The following TMEM232 variants were observed in gnomAD, a reference collection of about 807,000 sequenced individuals.
TMEM232 encodes the protein transmembrane protein 232.
A neutral mutation model predicts 78.8 loss-of-function variants in TMEM232; 80 were observed. The observed-to-expected ratio is 1.01, with a 90% CI of 0.85 to 1.22. The LOEUF (loss-of-function observed/expected upper bound fraction) is 1.22. Among genes scored for constraint, TMEM232 ranks in the 50% most tolerant of loss-of-function variants. TMEM232 has a pLI of 0.00. For synonymous variants in TMEM232, 297 were observed against 254.3 expected, an observed-to-expected ratio of 1.17 and a Z score of -1.60; for missense variants, 881 against 742.2, an observed-to-expected ratio of 1.19 and a Z score of -2.17.
intron 10 of TMEM232, among the ~76,000 whole-genome samples, chr5:110,593,703 G>T (rs184067239): frequency 6.6e-6 from 1 of 151,902 alleles, no homozygotes; most frequent in African/African-American, 2.4e-5. Flanking sequence ...AGGAAATAGG[G>T]GTTGTCAATG....
intron 12 of TMEM232, among the ~76,000 whole-genome samples, chr5:110,471,325 A>G (rs1762657238): frequency 6.6e-6 from 1 of 152,160 alleles, no homozygotes; most frequent in South Asian, 2.1e-4. Flanking sequence ...AAAGATGCAG[A>G]CAGAAAACTT....
intron 1 of TMEM232, among the ~76,000 whole-genome samples, chr5:110,713,087 A>C (rs1023809939): frequency 1.3e-5 from 2 of 152,142 alleles, no homozygotes; most frequent in African/African-American, 4.8e-5. Flanking sequence ...AAAAGGAATA[A>C]GATTCTCTAA....
At chr5:110,621,209 T>C (rs1373428768) in intron 7 of TMEM232, among the ~76,000 whole-genome samples, 1 of 151,760 alleles carries the variant, frequency 6.6e-6, no homozygotes, top group African/African-American at 2.4e-5. Flanking sequence ...AAATAAAAAA[T>C]AAATTTATCA....
chr5:110,631,627 T>C (rs1446385901), intron 5 of TMEM232, among the ~76,000 whole-genome samples: 2 of 152,202 alleles, frequency 1.3e-5, no homozygotes, highest in Non-Finnish European at 2.9e-5. Context: ...ACACTCCCAC[T>C]GGCAGAATGA....
intron 1 of TMEM232, among the ~76,000 whole-genome samples, chr5:110,701,156 A>G (rs1463019556): frequency 1.3e-5 from 2 of 151,992 alleles, no homozygotes; most frequent in Non-Finnish European, 2.9e-5. Flanking sequence ...ACTAAAAATG[A>G]CAGATCTGAA....
chr5:110,625,440 T>C lies in TMEM232; in HGVS notation c.602-7A>G, dbSNP rs1369222122. On this transcript the variant is annotated splice_polypyrimidine_tract_variant and splice_region_variant and intron_variant, in intron 6 of 13. Transcript: ENST00000455884. ...GCTCCAGAGAAAGAAAGTGCTATTG[T>C]AAGAAAAATCATCTGTGAGAAATAA... The C allele has an allele frequency of 4.7e-6, 7 of 1,497,734 alleles. No individual in the cohort carries two copies. The highest frequency in any genetic ancestry group is 6.2e-6 in the Non-Finnish European group (7 of 1,121,936). The allele number at this position is 1,497,734 out of a possible 1,614,324, so 92.8% of individuals were successfully genotyped here. A position where few individuals can be genotyped will look rare whatever the true frequency, so the allele number is the denominator to read the frequency against.
At chr5:110,443,111 T>C (rs1759249469) in intron 12 of TMEM232, among the ~76,000 whole-genome samples, 1 of 152,140 alleles carries the variant, frequency 6.6e-6, no homozygotes, top group South Asian at 2.1e-4. Context: ...TTCAAGGCCG[T>C]GGGGCTCTAT....
chr5:110,457,216 A>C (rs1761003401), intron 12 of TMEM232, among the ~76,000 whole-genome samples: 1 of 152,144 alleles, frequency 6.6e-6, no homozygotes, highest in Non-Finnish European at 1.5e-5. Context: ...ATGATTTCAC[A>C]AAAGAAGATA....
At chr5:110,728,983 C>T (rs1262704496), upstream of TMEM232, among the ~76,000 whole-genome samples, 1 of 151,836 alleles carries the variant, frequency 6.6e-6, no homozygotes, top group East Asian at 1.9e-4. Flanking sequence ...CTCCTGGGTT[C>T]AAGCGATTCT....
At chr5:110,618,325 A>T (rs1783201134) in intron 8 of TMEM232, 104 bp downstream of exon 8, 1 of 1,396,678 alleles carries the variant, frequency 7.2e-7, no homozygotes, top group Non-Finnish European at 9.6e-7. Context: ...AATTTGTTTC[A>T]TAGTCAACTG....
intron 12 of TMEM232, among the ~76,000 whole-genome samples, chr5:110,471,071 T>C (rs1025830640): frequency 3.3e-5 from 5 of 151,882 alleles, no homozygotes; most frequent in Non-Finnish European, 7.4e-5. Flanking sequence ...CACAGAAATA[T>C]TGGAGTTGAA....
At chr5:110,512,989 T>G (rs1768006286) in intron 12 of TMEM232, among the ~76,000 whole-genome samples, 2 of 152,182 alleles carry the variant, frequency 1.3e-5, no homozygotes, top group Admixed American at 6.5e-5. Flanking sequence ...AGAAAGACAC[T>G]CGTCATATAA....
chr5:110,594,118 T>C (rs866616440), intron 10 of TMEM232, among the ~76,000 whole-genome samples: 8 of 151,886 alleles, frequency 5.3e-5, no homozygotes, highest in East Asian at 2.0e-4. Context: ...GTTCATCTCA[T>C]TGGGACTGGT....
chr5:110,696,209 A>G (rs1481577400), intron 1 of TMEM232, among the ~76,000 whole-genome samples: 1 of 152,220 alleles, frequency 6.6e-6, no homozygotes, highest in Non-Finnish European at 1.5e-5. Context: ...AAATCACATG[A>G]TTATCTCAAT....
intron 10 of TMEM232, among the ~76,000 whole-genome samples, chr5:110,587,663 G>GTATATA (rs377139293): frequency 1.3e-3 from 125 of 96,228 alleles, no homozygotes; most frequent in African/African-American, 2.2e-3. Flanking sequence ...GTACATGTAT[G>GTATATA]TATATATATA....
At chr5:110,715,453 C>T (rs1796919565) in intron 1 of TMEM232, among the ~76,000 whole-genome samples, 1 of 152,084 alleles carries the variant, frequency 6.6e-6, no homozygotes, top group South Asian at 2.1e-4. Context: ...CAGAATTGGT[C>T]ATGAAGAACT....
chr5:110,570,783 C>T (rs557297535), intron 10 of TMEM232, among the ~76,000 whole-genome samples: 2 of 152,098 alleles, frequency 1.3e-5, no homozygotes, highest in East Asian at 3.9e-4. Flanking sequence ...TATGTTACTT[C>T]TCTACTCACA....
intron 1 of TMEM232, among the ~76,000 whole-genome samples, chr5:110,723,540 G>GA (rs1797863118): frequency 6.6e-6 from 1 of 152,084 alleles, no homozygotes; most frequent in African/African-American, 2.4e-5. Context: ...TGAGTATCCT[G>GA]AAAATCTCAA....
intron 2 of TMEM232, among the ~76,000 whole-genome samples, chr5:110,410,656 G>A (rs1363120781): frequency 6.6e-6 from 1 of 152,156 alleles, no homozygotes; most frequent in Non-Finnish European, 1.5e-5. Flanking sequence ...AAAGAATAAT[G>A]ACTGATGTTT....
Sources: allele counts gnomAD v4.1 joint callset (sites outside exome capture counted in the v4.1 genomes callset), GRCh38; gene constraint gnomAD v4.1.1; transcripts MANE v1.5; gene names NCBI Gene and HGNC (gene_info 2026-07-23, HGNC 2026-07-21).